APOB: variants seen among roughly 807,000 people sequenced by gnomAD.
APOB encodes the protein apolipoprotein B-100.
APOB carries 153 observed loss-of-function variants against 314.1 expected under a neutral mutation model. The ratio of observed to expected loss-of-function variants is 0.49; its 90% CI spans 0.43 to 0.56. The LOEUF (loss-of-function observed/expected upper bound fraction) is 0.56, where lower values mean the gene tolerates loss of function less well. Ranked by LOEUF, APOB falls within the 20% of genes least tolerant of loss-of-function variation. The pLI is 0.00. For missense variants in APOB, 5,430 were observed against 5,350.7 expected (o/e 1.01, Z -0.46); for synonymous variants, 2,087 against 2,036.4 (o/e 1.02, Z -0.67).
intron 15 of APOB, 26 bp downstream of exon 15, chr2:21,026,762 T>A: frequency 1.3e-6 from 2 of 1,596,802 alleles, no homozygotes; most frequent in Non-Finnish European, 1.7e-6. Context: ...AAGCTTTCCT[T>A]AAGAAGATAC....
In APOB at chr2:21,014,361, A is replaced by T; in HGVS notation, c.3842+87T>A. On this transcript the variant is annotated intron_variant, in intron 24 of 28. Coordinates refer to ENST00000233242, the MANE Select transcript of APOB (RefSeq NM_000384.3). Reference sequence around the variant, plus strand: ...AAATGCTTAAATTATTTCCTTTAAAAATTTAAAAAAATGTCTAAATCATGC... The same window carrying T: ...AAATGCTTAAATTATTTCCTTTAAATATTTAAAAAAATGTCTAAATCATGC... 4.6e-6 allele frequency: 7 copies of T among 1,520,370 alleles called. No homozygotes were observed. The South Asian group carries it at 8.4e-5, about 18-fold the overall frequency. The allele number at this position is 1,520,370 out of a possible 1,614,324, so 94.2% of individuals were successfully genotyped here. A position where few individuals can be genotyped will look rare whatever the true frequency, so the allele number is the denominator to read the frequency against.
chr2:21,043,544 T>G lies in APOB; in HGVS notation c.90A>C (p.Glu30Asp). The change falls in exon 2 of 29, where the codon GAA becomes GAC. Residue 30 changes from glutamate (E) to aspartate (D), a missense_variant. Glu to Asp is a conservative substitution (Grantham distance 45). This residue lies in a region of APOB where 2,085 missense variants were observed against 2,079.7 expected (regional missense o/e 1.00). Transcript: ENST00000233242. The part of the protein sequence containing the change: ...LLLAGARAEE[E>D]MLENVSLVCP... ...AGACCAGGCTGACATTTTCCAGCAT[T>G]TCCTCTTCTGTAAGACAGGAGAAAG... 1 of 1,604,198 alleles carries G rather than the reference T, an allele frequency of 6.2e-7. No homozygotes were observed. Among genetic ancestry groups the G allele is most frequent in the Non-Finnish European group, 8.5e-7 (1 of 1,175,492 alleles).
chr2:21,031,793 T>A (rs1394205064), intron 10 of APOB, among the ~76,000 whole-genome samples: 3 of 151,940 alleles, frequency 2.0e-5, no homozygotes. Flanking sequence ...GAGGCTTCAG[T>A]GAGCCGTGAC....
Position 21,029,951 on chromosome 2 carries a change from G to T in APOB, c.1417C>A (p.Gln473Lys). 1.2e-6 allele frequency: 2 copies of T among 1,614,126 alleles called. No individual in the cohort carries two copies. Among genetic ancestry groups the T allele is most frequent in the African/African-American group, 1.3e-5 (1 of 75,056 alleles). ...TCCCCAGTGCAGTCATCTTGAATCT[G>T]TTCCATCAGGTAATTAGCAATGTCC... ...LLDIANYLME[Q>K]IQDDCTGDED... is the part of the protein sequence containing the mutation. Residue 473 changes from glutamine (Q) to lysine (K), a missense_variant, in exon 11 of 29, where the codon CAG becomes AAG. By Grantham distance (53) the Gln-to-Lys change is moderately conservative. This residue lies in a region of APOB where 2,085 missense variants were observed against 2,079.7 expected (regional missense o/e 1.00). Coordinates refer to ENST00000233242, the MANE Select transcript of APOB (RefSeq NM_000384.3).
Position 21,005,335 on chromosome 2 carries a change from T to C in APOB, c.11533A>G (p.Asn3845Asp), listed in dbSNP as rs143468500. The change falls in exon 26 of 29, where the codon AAC (asparagine) becomes GAC (aspartate). Residue 3845 changes from asparagine (N) to aspartate (D), a missense_variant. Physicochemically the swap from Asn to Asp is conservative, Grantham distance 23 (BLOSUM62 1). Coordinates refer to ENST00000233242, the MANE Select transcript of APOB (RefSeq NM_000384.3). Reference protein sequence around the residue: ...IAALDLNAVANKIADFELPTI... With the variant: ...IAALDLNAVADKIADFELPTI... ...GGCAACTCAAAGTCTGCGATCTTGT[T>C]GGCTACTGCATTTAGATCCAAAGCA... is the stretch of plus-strand genomic sequence containing the variant. 3.1e-6 allele frequency: 5 copies of C among 1,613,978 alleles called. No homozygotes were observed. In the African/African-American group the frequency reaches 5.3e-5, roughly 17 times the overall value.
chr2:21,043,888 G>C lies in APOB; in HGVS notation c.58C>G (p.Leu20Val). The C allele has an allele frequency of 6.8e-7, 1 of 1,476,256 alleles. No homozygotes were observed. The allele number at this position is 1,476,256 out of a possible 1,614,324, so 91.4% of individuals were successfully genotyped here. Residue 20 changes from leucine to valine, a missense_variant, in exon 1 of 29, where the codon CTG becomes GTG. Coordinates refer to ENST00000233242, the MANE Select transcript of APOB (RefSeq NM_000384.3). ...CCGGCCCTGGCGCCCGCCAGCAGCA[G>C]CAGCAGCAGCGCAGGCAGCGCCAGC... Reference protein sequence around the residue: ...ALLALPALLLLLLAGARAEEE... With the variant: ...ALLALPALLLVLLAGARAEEE...
intron 4 of APOB, among the ~76,000 whole-genome samples, chr2:21,040,486 T>A (rs1664103438): frequency 6.6e-6 from 1 of 152,170 alleles, no homozygotes; most frequent in Non-Finnish European, 1.5e-5. Flanking sequence ...CCGATCAGCG[T>A]GCAGTGGCTG....
chr2:21,014,570 C>G lies in APOB; in HGVS notation c.3720G>C (p.Lys1240Asn), dbSNP rs749027931. The G allele has an allele frequency of 3.1e-6, 5 of 1,614,024 alleles. No individual in the cohort carries two copies. The highest frequency in any genetic ancestry group is 3.4e-6 in the Non-Finnish European group (4 of 1,179,962). ...GGGTATAAGGAAGACTCCCAGATGCCTTCTGAAGCCATGAGCTCATTGCCT... is the reference window on the plus strand; with the variant it reads ...GGGTATAAGGAAGACTCCCAGATGCGTTCTGAAGCCATGAGCTCATTGCCT... ...LIVAMSSWLQKASGSLPYTQT... is the reference protein window; with the variant it reads ...LIVAMSSWLQNASGSLPYTQT... Residue 1240 changes from lysine (K) to asparagine (N), a missense_variant, in exon 24 of 29, where the codon AAG (lysine) becomes AAC (asparagine). Coordinates refer to ENST00000233242, the MANE Select transcript of APOB (RefSeq NM_000384.3).
intron 20 of APOB, among the ~76,000 whole-genome samples, chr2:21,017,690 C>T (rs75148657): frequency 0.013 from 1,932 of 152,236 alleles, 38 homozygotes; most frequent in African/African-American, 0.044. Context: ...CTGCCCTTGC[C>T]CTGGGCTCCA....
Position 21,015,060 on chromosome 2 carries a change from G to C in APOB, c.3696+13C>G. 1 of 1,611,436 alleles carries C rather than the reference G, an allele frequency of 6.2e-7. No individual in the cohort carries two copies. Among genetic ancestry groups the C allele is most frequent in the Non-Finnish European group, 8.5e-7 (1 of 1,177,892 alleles). On this transcript the variant is annotated intron_variant, in intron 23 of 28. Coordinates refer to ENST00000233242, the MANE Select transcript of APOB (RefSeq NM_000384.3). ...ATATCCATGTATTTATTGACTGGCA[G>C]ACTCATACTTACAACTATTAATTTG...
At position 21,007,022 on chromosome 2, in the gene APOB, A is replaced by T. The variant is rs777003657; in HGVS notation, c.9846T>A (p.Ser3282Arg). 5.0e-6 allele frequency: 8 copies of T among 1,614,048 alleles called. No homozygotes were observed. In the South Asian group the frequency reaches 8.8e-5, roughly 18 times the overall value. ...GGACGTCAGAACCTAGGATGGAGAAACTAGGCATGCTGACTGCTTTTGGGA... is the reference window on the plus strand; with the variant it reads ...GGACGTCAGAACCTAGGATGGAGAATCTAGGCATGCTGACTGCTTTTGGGA... ...YVFPKAVSMP[S>R]FSILGSDVRV... Residue 3282 changes from serine to arginine, a missense_variant, in exon 26 of 29, where the codon AGT becomes AGA. Around this residue, in one of 3 missense-constraint regions of APOB, gnomAD observed 3,281 missense variants for 3,171.0 expected, o/e 1.03. Transcript: ENST00000233242.
rs748311841 is a variant in APOB, at chr2:21,005,538, G to T, written c.11330C>A (p.Ser3777Ter). Residue 3777 changes from serine to a stop codon, truncating the protein, a stop_gained, in exon 26 of 29, where the codon TCA becomes TAA. Coordinates refer to ENST00000233242, the MANE Select transcript of APOB (RefSeq NM_000384.3). LOFTEE classifies it high-confidence loss of function. ...EIQIYKKLRT[S>*]SFALNLPTLP... ...TGTTGGTAGGTTGAGGGCAAATGAT[G>T]AAGTTCTCAGCTTCTTATAGATTTG... The T allele has an allele frequency of 1.9e-6, 3 of 1,614,044 alleles. No individual in the cohort carries two copies. Among genetic ancestry groups the T allele is most frequent in the Non-Finnish European group, 2.5e-6 (3 of 1,179,968 alleles).
rs561774487 is a variant in APOB, at chr2:21,009,939, A to G, written c.6929T>C (p.Ile2310Thr). ...TTTGACATGCTCAAGAATGTCATTT[A>G]TTCTTTCAAATGAAATTGTAGTTCC... is the stretch of plus-strand genomic sequence containing the variant. ...QLGTTISFER[I>T]NDILEHVKHF... Residue 2310 changes from isoleucine to threonine, a missense_variant, in exon 26 of 29, where the codon ATA becomes ACA. By Grantham distance (89) the Ile-to-Thr change is moderately conservative (BLOSUM62 -1). Around this residue, in one of 3 missense-constraint regions of APOB, gnomAD observed 3,281 missense variants for 3,171.0 expected, o/e 1.03. Coordinates refer to ENST00000233242, the MANE Select transcript of APOB (RefSeq NM_000384.3). The G allele has an allele frequency of 2.5e-4, 402 of 1,613,590 alleles. 4 individuals are homozygous for G. The South Asian group carries it at 4.2e-3, about 17-fold the overall frequency.
Position 21,012,091 on chromosome 2 carries a change from T to C in APOB, c.4777A>G (p.Lys1593Glu). ...TSNKMDMTFSKQNALLRSEYQ... is the reference protein window; with the variant it reads ...TSNKMDMTFSEQNALLRSEYQ... ...TCAGAACGCAGCAGTGCATTTTGCT[T>C]AGAGAAGGTCATATCCATCTTGTTA... The change falls in exon 26 of 29, where the codon AAG becomes GAG. Residue 1593 changes from lysine (K) to glutamate (E), a missense_variant. This residue lies in a region of APOB where 2,085 missense variants were observed against 2,079.7 expected (regional missense o/e 1.00). Coordinates refer to ENST00000233242, the MANE Select transcript of APOB (RefSeq NM_000384.3). The C allele has an allele frequency of 6.2e-7, 1 of 1,613,866 alleles. No individual in the cohort carries two copies. Among genetic ancestry groups the C allele is most frequent in the East Asian group, 2.2e-5 (1 of 44,886 alleles).
chr2:21,006,945 T>G lies in APOB; in HGVS notation c.9923A>C (p.His3308Pro), dbSNP rs757750438. 27 of 1,613,944 alleles carry G rather than the reference T, an allele frequency of 1.7e-5. No individual in the cohort carries two copies. Among genetic ancestry groups the G allele is most frequent in the Non-Finnish European group, 2.0e-5 (24 of 1,179,958 alleles). The change falls in exon 26 of 29, where the codon CAT becomes CCT. Residue 3308 changes from histidine (H) to proline (P), a missense_variant. His to Pro is a moderately conservative substitution (Grantham distance 77). Coordinates refer to ENST00000233242, the MANE Select transcript of APOB (RefSeq NM_000384.3). The stretch of plus-strand genomic sequence containing the variant: ...AGAAAGCTTGAGATTTCTAGGGACA[T>G]GAAGGACTGGCAGCTCTAATGATGG... ...ILPSLELPVL[H>P]VPRNLKLSLP...
rs554574365 is a variant in APOB at position 21,015,620 on chromosome 2, C to T, written c.3333-75G>A. ...AGATATGCAGGATTAAACAGAAGTT[C>T]CATTTGTGGTGATCAAAACCAGATA... On this transcript the variant is annotated intron_variant, in intron 21 of 28. Coordinates refer to ENST00000233242, the MANE Select transcript of APOB (RefSeq NM_000384.3). 1.9e-5 allele frequency: 28 copies of T among 1,511,262 alleles called. 1 individual carries two copies. The South Asian group carries it at 3.1e-4, about 17-fold the overall frequency. The allele number at this position is 1,511,262 out of a possible 1,614,324, so 93.6% of individuals were successfully genotyped here. A position where few individuals can be genotyped will look rare whatever the true frequency, so the allele number is the denominator to read the frequency against.
intron 14 of APOB, among the ~76,000 whole-genome samples, chr2:21,027,548 C>A (rs1003438075): frequency 6.6e-6 from 1 of 152,092 alleles, no homozygotes; most frequent in Non-Finnish European, 1.5e-5. Flanking sequence ...ATCCTGACCT[C>A]ATGATCCACC....
chr2:21,041,680 A>G (rs1255362431), intron 3 of APOB, among the ~76,000 whole-genome samples: 1 of 152,254 alleles, frequency 6.6e-6, no homozygotes, highest in Non-Finnish European at 1.5e-5. Flanking sequence ...AAATGCAGCT[A>G]ATGTGACAAC....
At chr2:21,004,776 A>G (rs755103785) in intron 26 of APOB, 101 bp from the exon 27 acceptor site, 10 of 941,200 alleles carry the variant, frequency 1.1e-5, no homozygotes, top group South Asian at 9.6e-5. Context: ...CAGATATTTC[A>G]CTTGTGTTTA....
Sources: allele counts gnomAD v4.1 joint callset (sites outside exome capture counted in the v4.1 genomes callset), GRCh38; gene constraint gnomAD v4.1.1; regional missense constraint gnomAD v4.1.1; transcripts MANE v1.5; gene names NCBI Gene and HGNC (gene_info 2026-07-23, HGNC 2026-07-21).